Variants in ANKS1B observed in about 807,000 individuals in gnomAD.
ANKS1B encodes the protein ankyrin repeat and sterile alpha motif domain containing 1B, also known as ankyrin repeat and sterile alpha motif domain-containing protein 1B.
Under a neutral mutation model 148.3 loss-of-function variants are expected in ANKS1B, and 36 were observed. The observed-to-expected ratio is 0.24, with a 90% CI of 0.19 to 0.32. The LOEUF (loss-of-function observed/expected upper bound fraction) is 0.32, where lower values mean the gene tolerates loss of function less well. Ranked by LOEUF, ANKS1B falls within the 10% of genes least tolerant of loss-of-function variation. ANKS1B has a pLI of 1.00. For synonymous variants in ANKS1B, 542 were observed against 560.8 expected (o/e 0.97, Z 0.47); for missense variants, 1,157 against 1,542.6 (o/e 0.75, Z 4.19).
At chr12:99,050,198 T>C (rs898001749) in intron 17 of ANKS1B, among the ~76,000 whole-genome samples, 13 of 152,214 alleles carry the variant, frequency 8.5e-5, no homozygotes, top group African/African-American at 3.1e-4. Context: ...GATAAACAAG[T>C]CTTGAATTTG....
At chr12:99,912,157 T>C (rs537807897) in intron 1 of ANKS1B, among the ~76,000 whole-genome samples, 19 of 152,314 alleles carry the variant, frequency 1.2e-4, no homozygotes, top group African/African-American at 4.3e-4. Flanking sequence ...GTTTGATTTA[T>C]TAAAGTGGAG....
intron 12 of ANKS1B, among the ~76,000 whole-genome samples, chr12:99,293,749 G>A (rs533891650): frequency 1.9e-4 from 28 of 145,186 alleles, no homozygotes; most frequent in Admixed American, 6.8e-4. Flanking sequence ...CTACAGAATG[G>A]AATACAATAT....
At chr12:99,532,294 A>T (rs11109904) in intron 9 of ANKS1B, among the ~76,000 whole-genome samples, 51,181 of 126,928 alleles carry the variant, frequency 0.4, 9,187 homozygotes, top group East Asian at 0.57. Context: ...AGTTTTCCTA[A>T]GTTTTCTTCT....
chr12:99,934,164 T>G (rs1213864557), intron 1 of ANKS1B, among the ~76,000 whole-genome samples: 2 of 152,154 alleles, frequency 1.3e-5, no homozygotes, highest in African/African-American at 4.8e-5. Flanking sequence ...GTTGTTAGAT[T>G]TGGCTTGCTA....
At position 98,794,139 on chromosome 12, in the gene ANKS1B, C is replaced by T. The variant is rs377595126; in HGVS notation, c.3342+4795G>A. On this transcript the variant is annotated intron_variant, in intron 22 of 26. Coordinates refer to ENST00000683438, the MANE Select transcript of ANKS1B (RefSeq NM_001352186.2). ...AGGCGCGGTGGCTCACGCCTGTAAT[C>T]CCAGCACTTTGGGAGGCCAAGGCGG... Among the ~76,000 whole-genome samples, 11 of 152,158 alleles carry T rather than the reference C, an allele frequency of 7.2e-5. No homozygotes were observed. The East Asian group carries it at 9.7e-4, about 13-fold the overall frequency.
At chr12:99,412,360 C>CAGA (rs2094739162) in intron 11 of ANKS1B, among the ~76,000 whole-genome samples, 1 of 152,172 alleles carries the variant, frequency 6.6e-6, no homozygotes, top group African/African-American at 2.4e-5. Context: ...TTATTACCAT[C>CAGA]TGGTGGGCAA....
rs553637177 is a variant in ANKS1B, at chr12:98,828,872, T to C, written c.3066+302A>G. On this transcript the variant is annotated intron_variant, in intron 19 of 26. Transcript: ENST00000683438. Reference sequence around the variant, plus strand: ...GTAATCTAGACTTTTATTACTCATTTTCATTATGATTTGACTTTGACACTA... The same window carrying C: ...GTAATCTAGACTTTTATTACTCATTCTCATTATGATTTGACTTTGACACTA... Among the ~76,000 whole-genome samples the C allele has an allele frequency of 2.0e-5, 3 of 152,342 alleles. No individual in the cohort carries two copies. The South Asian group carries it at 6.2e-4, about 32-fold the overall frequency.
chr12:98,993,915 C>T (rs2099928071), intron 17 of ANKS1B, among the ~76,000 whole-genome samples: 2 of 152,092 alleles, frequency 1.3e-5, no homozygotes, highest in South Asian at 4.1e-4. Context: ...CGTTTCAGTC[C>T]TATTCGTAGG....
intron 12 of ANKS1B, among the ~76,000 whole-genome samples, chr12:99,293,789 A>T (rs144270627): frequency 0.01 from 1,583 of 152,336 alleles, 11 homozygotes; most frequent in Non-Finnish European, 0.014. Context: ...CAAGGAATTA[A>T]TAACCAAAAT....
At chr12:99,726,889 C>A (rs966215010) in intron 8 of ANKS1B, among the ~76,000 whole-genome samples, 1 of 152,070 alleles carries the variant, frequency 6.6e-6, no homozygotes, top group African/African-American at 2.4e-5. Context: ...TGACAATAAC[C>A]ACACGATTAT....
chr12:99,053,491 G>A (rs1287971211), intron 16 of ANKS1B, among the ~76,000 whole-genome samples, 182 bp from the exon 17 acceptor site: 2 of 152,122 alleles, frequency 1.3e-5, no homozygotes, highest in African/African-American at 4.8e-5. Flanking sequence ...TAATTTTCAC[G>A]CTGAATAGGT....
At chr12:98,843,589 G>A (rs1036502694) in intron 17 of ANKS1B, among the ~76,000 whole-genome samples, 2 of 152,186 alleles carry the variant, frequency 1.3e-5, no homozygotes, top group South Asian at 4.1e-4. Context: ...CAAACAAAGC[G>A]ACTGGAGTCA....
intron 14 of ANKS1B, among the ~76,000 whole-genome samples, chr12:99,185,990 G>C (rs2079789685): frequency 6.6e-6 from 1 of 152,162 alleles, no homozygotes; most frequent in African/African-American, 2.4e-5. Flanking sequence ...AAGATCCACT[G>C]GCTTGAAATT....
At chr12:99,050,690 C>CTTTTTTTTTTTTTTTTTTTTTT (rs62812561) in intron 17 of ANKS1B, among the ~76,000 whole-genome samples, 1 of 113,590 alleles carries the variant, frequency 8.8e-6, no homozygotes, top group Non-Finnish European at 1.7e-5. Flanking sequence ...TTTTCTTTTT[C>CTTTTTTTTTTTTTTTTTTTTTT]TTTTTTTTTT....
intron 11 of ANKS1B, among the ~76,000 whole-genome samples, chr12:99,433,950 A>T (rs569486650): frequency 1.6e-4 from 25 of 152,202 alleles, no homozygotes; most frequent in African/African-American, 6.0e-4. Context: ...AGTCATTTTC[A>T]TACTCAAATC....
At position 98,809,737 on chromosome 12, in the gene ANKS1B, C is replaced by T. The variant is rs571999375; in HGVS notation, c.3067-1819G>A. On this transcript the variant is annotated intron_variant, in intron 19 of 26. Coordinates refer to ENST00000683438, the MANE Select transcript of ANKS1B (RefSeq NM_001352186.2). Reference sequence around the variant, plus strand: ...CTAAAAATAAAATCGTAAGCCCCCTCACCGACTGAACGGACCCCCTTGTGG... The same window carrying T: ...CTAAAAATAAAATCGTAAGCCCCCTTACCGACTGAACGGACCCCCTTGTGG... Among the ~76,000 whole-genome samples, 5 of 152,272 alleles carry T rather than the reference C, an allele frequency of 3.3e-5. No homozygotes were observed. The East Asian group carries it at 9.7e-4, about 29-fold the overall frequency.
In ANKS1B at chr12:99,489,712, CA is replaced by C. The variant is rs1323711671; in HGVS notation, c.1438+14763del. Among the ~76,000 whole-genome samples the C allele has an allele frequency of 3.9e-5, 6 of 152,280 alleles. No homozygotes were observed. The South Asian group carries it at 6.2e-4, about 16-fold the overall frequency. On this transcript the variant is annotated intron_variant, in intron 10 of 26. Transcript: ENST00000683438. ...CCTGTGACTAAAGGTCAGTTAGTTT[CA>C]AAAGGAATGGAGTGCTTAGCTGATT...
chr12:99,759,912 A>C (rs1489485975), intron 8 of ANKS1B, among the ~76,000 whole-genome samples: 1 of 151,432 alleles, frequency 6.6e-6, no homozygotes, highest in Non-Finnish European at 1.5e-5. Context: ...TCTACTAGAA[A>C]GTTTAATTCA....
At chr12:99,366,317 T>C (rs1279847933) in intron 12 of ANKS1B, among the ~76,000 whole-genome samples, 1 of 152,210 alleles carries the variant, frequency 6.6e-6, no homozygotes, top group African/African-American at 2.4e-5. Flanking sequence ...ATAACCACCA[T>C]TTCCTTTTGT....
Sources: allele counts gnomAD v4.1 joint callset (sites outside exome capture counted in the v4.1 genomes callset), GRCh38; gene constraint gnomAD v4.1.1; transcripts MANE v1.5; gene names NCBI Gene and HGNC (gene_info 2026-07-23, HGNC 2026-07-21).